CPXM2: variants seen among roughly 807,000 people sequenced by gnomAD.
CPXM2 encodes inactive carboxypeptidase-like protein X2.
Under a neutral mutation model 86.1 loss-of-function variants are expected in CPXM2, and 66 were observed. The observed-to-expected ratio is 0.77, with a 90% CI of 0.63 to 0.94. CPXM2 has a LOEUF of 0.94. Ranked by LOEUF, CPXM2 falls within the 40% of genes least tolerant of loss-of-function variation. CPXM2 has a pLI of 0.00. For synonymous variants in CPXM2, 388 were observed against 400.2 expected (o/e 0.97, Z 0.36); for missense variants, 948 against 1,026.3 (o/e 0.92, Z 1.04).
intron 3 of CPXM2, among the ~76,000 whole-genome samples, chr10:123,852,044 C>A (rs2134173462): frequency 6.6e-6 from 1 of 152,254 alleles, no homozygotes. Context: ...GGGACCCTTT[C>A]TTAGAGACTT....
intron 4 of CPXM2, among the ~76,000 whole-genome samples, chr10:123,804,566 G>C (rs1847537299): frequency 6.6e-6 from 1 of 152,106 alleles, no homozygotes; most frequent in Non-Finnish European, 1.5e-5. Flanking sequence ...CAGCTACCTT[G>C]TTAATTTTTT....
intron 2 of CPXM2, among the ~76,000 whole-genome samples, chr10:123,913,374 G>T (rs879697173): frequency 1.3e-5 from 2 of 151,554 alleles, no homozygotes; most frequent in Non-Finnish European, 2.9e-5. Flanking sequence ...AACAAGGCTA[G>T]AATATATGTC....
chr10:123,901,914 C>T (rs1309861276), intron 2 of CPXM2, among the ~76,000 whole-genome samples: 1 of 152,126 alleles, frequency 6.6e-6, no homozygotes. Context: ...CGGAGGTAAG[C>T]GGGGCTGAAT....
chr10:123,822,506 G>A (rs1295811997), intron 4 of CPXM2, among the ~76,000 whole-genome samples: 3 of 151,994 alleles, frequency 2.0e-5, no homozygotes, highest in African/African-American at 7.3e-5. Context: ...GTTCAAAGGA[G>A]AAAATACAGA....
At chr10:123,801,714 T>C (rs1847463723) in intron 4 of CPXM2, among the ~76,000 whole-genome samples, 1 of 152,202 alleles carries the variant, frequency 6.6e-6, no homozygotes, top group African/African-American at 2.4e-5. Flanking sequence ...AAAATCCCCA[T>C]CACGTTCTAC....
intron 2 of CPXM2, among the ~76,000 whole-genome samples, chr10:123,930,218 G>T (rs923754193): frequency 1.4e-4 from 22 of 152,188 alleles, no homozygotes; most frequent in African/African-American, 5.3e-4. Flanking sequence ...GCCCTGTAAG[G>T]CAATCCCAGA....
In CPXM2 at chr10:123,842,407, C is replaced by T; in HGVS notation, c.595G>A (p.Ala199Thr). ...NDLQQWIEVD[A>T]RRLTRFTGVI... Reference sequence around the variant, plus strand: ...CCAGTGAATCTGGTCAGGCGCCGAGCATCCACTTCAATCCACTGCTGGAGG... The same window carrying T: ...CCAGTGAATCTGGTCAGGCGCCGAGTATCCACTTCAATCCACTGCTGGAGG... Residue 199 changes from alanine to threonine, a missense_variant, in exon 4 of 14, where the codon GCT becomes ACT. Coordinates refer to ENST00000241305, the MANE Select transcript of CPXM2 (RefSeq NM_198148.3). 1 of 1,614,262 alleles carries T rather than the reference C, an allele frequency of 6.2e-7. No individual in the cohort carries two copies.
intron 6 of CPXM2, among the ~76,000 whole-genome samples, chr10:123,789,849 T>C (rs1847165004): frequency 6.6e-6 from 1 of 151,874 alleles, no homozygotes; most frequent in South Asian, 2.1e-4. Flanking sequence ...CCGGGTGCGG[T>C]GGCTCACACC....
chr10:123,875,358 G>A (rs1012843469), intron 2 of CPXM2, among the ~76,000 whole-genome samples: 15 of 152,176 alleles, frequency 9.9e-5, no homozygotes, highest in Admixed American at 9.8e-4. Flanking sequence ...CAAGAGGGGT[G>A]TGACTCTGTC....
At chr10:123,857,643 G>A (rs958341248) in intron 3 of CPXM2, among the ~76,000 whole-genome samples, 18 of 117,218 alleles carry the variant, frequency 1.5e-4, no homozygotes, top group Admixed American at 5.6e-4. Context: ...GATGGAAGGC[G>A]GCGTGGAGAT....
intron 11 of CPXM2, among the ~76,000 whole-genome samples, chr10:123,758,219 T>C (rs931873887): frequency 6.6e-6 from 1 of 152,188 alleles, no homozygotes; most frequent in Non-Finnish European, 1.5e-5. Flanking sequence ...TACCACCAAA[T>C]GGTTGACTTA....
At chr10:123,861,454 T>G (rs1848847181) in intron 3 of CPXM2, among the ~76,000 whole-genome samples, 1 of 152,160 alleles carries the variant, frequency 6.6e-6, no homozygotes, top group African/African-American at 2.4e-5. Flanking sequence ...TACCCAAAGA[T>G]GTCCACGCTC....
At chr10:123,822,781 G>A (rs1038809696) in intron 4 of CPXM2, among the ~76,000 whole-genome samples, 6 of 151,936 alleles carry the variant, frequency 3.9e-5, no homozygotes, top group South Asian at 2.1e-4. Flanking sequence ...AAACTTTATC[G>A]AGAAGGAATA....
chr10:123,780,962 G>A (rs569468152), intron 6 of CPXM2, among the ~76,000 whole-genome samples: 2 of 152,210 alleles, frequency 1.3e-5, no homozygotes, highest in Admixed American at 6.5e-5. Context: ...GAATACAGAA[G>A]CATGTTGCCC....
intron 4 of CPXM2, among the ~76,000 whole-genome samples, chr10:123,816,260 C>G (rs976301155): frequency 1.3e-5 from 2 of 152,128 alleles, no homozygotes; most frequent in African/African-American, 2.4e-5. Flanking sequence ...GGTCACTTCC[C>G]CAGTGCCAGA....
chr10:123,791,519 C>T (rs1847206640), intron 6 of CPXM2, among the ~76,000 whole-genome samples: 1 of 152,180 alleles, frequency 6.6e-6, no homozygotes, highest in South Asian at 2.1e-4. Flanking sequence ...CCATTGGCTG[C>T]CTGCAACCCT....
intron 9 of CPXM2, among the ~76,000 whole-genome samples, chr10:123,768,135 C>T: frequency 6.6e-6 from 1 of 152,130 alleles, no homozygotes; most frequent in East Asian, 1.9e-4. Context: ...CACCTGTAAT[C>T]CCAGCACTTT....
At chr10:123,783,836 T>C (rs571363495) in intron 6 of CPXM2, among the ~76,000 whole-genome samples, 2 of 152,310 alleles carry the variant, frequency 1.3e-5, no homozygotes, top group Admixed American at 6.5e-5. Context: ...TCCCTTCCTG[T>C]GGTTACTTCT....
At chr10:123,799,866 A>G (rs1218176066) in intron 4 of CPXM2, among the ~76,000 whole-genome samples, 2 of 152,086 alleles carry the variant, frequency 1.3e-5, no homozygotes, top group African/African-American at 4.8e-5. Context: ...GTGGAGGTTA[A>G]CCTGATAGCC....
Sources: gnomAD v4.1 joint callset for allele counts (sites outside exome capture counted in the v4.1 genomes callset) on GRCh38, gnomAD v4.1.1 for gene constraint, MANE v1.5 for transcripts, NCBI Gene and HGNC (gene_info 2026-07-23, HGNC 2026-07-21) for gene names.